The following DUOX1 variants were observed in gnomAD, a reference collection of about 807,000 sequenced individuals.
The protein encoded by DUOX1 is dual oxidase 1.
Under a neutral mutation model 181.8 loss-of-function variants are expected in DUOX1, and 134 were observed. The observed-to-expected ratio is 0.74, with a 90% CI of 0.64 to 0.85. The LOEUF (loss-of-function observed/expected upper bound fraction) is 0.85, where lower values mean the gene tolerates loss of function less well. Among genes scored for constraint, DUOX1 ranks in the 40% least tolerant of loss-of-function variants. The pLI is 0.00. For synonymous variants in DUOX1, 798 were observed against 832.5 expected (o/e 0.96, Z 0.71); for missense variants, 1,814 against 2,064.4 (o/e 0.88, Z 2.35).
In DUOX1 at chr15:45,147,659, G is replaced by T. The variant is rs776714776; in HGVS notation, c.2548+1G>T. On this transcript the variant is annotated splice_donor_variant, in intron 19 of 33. Coordinates refer to ENST00000389037, the MANE Select transcript of DUOX1 (RefSeq NM_175940.3). LOFTEE classifies it high-confidence loss of function. ...GACATCCTGGTGGTCTTCATGAAAG[G>T]TGAGGGAGGAGGGAATGATAGGAGA... 3 of 1,614,184 alleles carry T rather than the reference G, an allele frequency of 1.9e-6. No individual in the cohort carries two copies. Among genetic ancestry groups the T allele is most frequent in the Admixed American group, 3.3e-5 (2 of 60,028 alleles).
chr15:45,144,482 T>A (rs1896597081), intron 17 of DUOX1, among the ~76,000 whole-genome samples: 1 of 152,204 alleles, frequency 6.6e-6, no homozygotes, highest in South Asian at 2.1e-4. Context: ...GTCTGCCTCC[T>A]CCTTTTCTAA....
rs1182069627 is a variant in DUOX1, at chr15:45,152,144, G to A, written c.3193+92G>A. 5.9e-6 allele frequency: 9 copies of A among 1,513,190 alleles called. No homozygotes were observed. The African/African-American group carries it at 1.1e-4, about 19-fold the overall frequency. The allele number at this position is 1,513,190 out of a possible 1,614,324, so 93.7% of individuals were successfully genotyped here. ...GGCCTGCGATAAGTGCCAGCCCTGGGTAGGGTAAGTGGAGCCTGTCTGAGT... is the reference window on the plus strand; with the variant it reads ...GGCCTGCGATAAGTGCCAGCCCTGGATAGGGTAAGTGGAGCCTGTCTGAGT... On this transcript the variant is annotated intron_variant, in intron 24 of 33. Transcript: ENST00000389037.
chr15:45,162,259 G>A lies in DUOX1; in HGVS notation c.4130G>A (p.Trp1377Ter), dbSNP rs1177998849. ...CCATTTGGAGAGGGCCACCAGGAGT[G>A]GCATAAGTTTGAGGTGTCAGTGTTA... Reference protein sequence around the residue: ...DGPFGEGHQEWHKFEVSVLVG... With the variant: ...DGPFGEGHQE The change falls in exon 31 of 34, where the codon TGG becomes TAG. Residue 1377 changes from tryptophan to a stop codon, truncating the protein, a stop_gained. Coordinates refer to ENST00000389037, the MANE Select transcript of DUOX1 (RefSeq NM_175940.3). LOFTEE classifies it high-confidence loss of function. 6.2e-7 allele frequency: 1 copy of A among 1,612,754 alleles called. No individual in the cohort carries two copies. Among genetic ancestry groups the A allele is most frequent in the Non-Finnish European group, 8.5e-7 (1 of 1,179,244 alleles).
In DUOX1 at chr15:45,143,230, G is replaced by A; in HGVS notation, c.1863G>A (p.Met621Ile). The A allele has an allele frequency of 6.2e-7, 1 of 1,614,152 alleles. No individual in the cohort carries two copies. The highest frequency in any genetic ancestry group is 2.2e-5 in the East Asian group (1 of 44,874). ...CCTGGATTGTTGCCCGGCTCCGGATGAGAAATTTCAAGAGGCTCCAGGGCC... is the reference window on the plus strand; with the variant it reads ...CCTGGATTGTTGCCCGGCTCCGGATAAGAAATTTCAAGAGGCTCCAGGGCC... Reference protein sequence around the residue: ...LSAWIVARLRMRNFKRLQGQD... With the variant: ...LSAWIVARLRIRNFKRLQGQD... Residue 621 changes from methionine (M) to isoleucine (I), a missense_variant, in exon 16 of 34, where the codon ATG becomes ATA. Physicochemically the swap from Met to Ile is conservative, Grantham distance 10 (BLOSUM62 1). This residue lies in a region of DUOX1 where 1,064 missense variants were observed against 1,152.9 expected (regional missense o/e 0.92). Transcript: ENST00000389037.
chr15:45,156,299 C>CTT (rs1430809199), intron 28 of DUOX1, among the ~76,000 whole-genome samples: 2 of 152,224 alleles, frequency 1.3e-5, no homozygotes, highest in Non-Finnish European at 2.9e-5. Flanking sequence ...TTTGAAGAAA[C>CTT]TTATCTTAAA....
intron 21 of DUOX1, 43 bp from the exon 22 acceptor site, chr15:45,150,589 C>T (rs1210614313): frequency 1.8e-5 from 29 of 1,594,968 alleles, no homozygotes; most frequent in Non-Finnish European, 2.4e-5. Flanking sequence ...TCTTCCTGGG[C>T]TCTGGACCCT....
chr15:45,155,644 C>T, intron 27 of DUOX1, 158 bp from the exon 28 acceptor site: 3 of 900,802 alleles, frequency 3.3e-6, no homozygotes, highest in Non-Finnish European at 5.1e-6. Flanking sequence ...TGAAAGGTAC[C>T]TGTGATCAGT....
At position 45,147,432 on chromosome 15, in the gene DUOX1, G is replaced by T; in HGVS notation, c.2323-1G>T. ...CTCCCTCTGCTTCTGCCCAAGTGCA[G>T]GTGCTGGACATCAACCAGGCCGACG... On this transcript the variant is annotated splice_acceptor_variant, in intron 18 of 33. Coordinates refer to ENST00000389037, the MANE Select transcript of DUOX1 (RefSeq NM_175940.3). LOFTEE classifies it high-confidence loss of function. 6.2e-7 allele frequency: 1 copy of T among 1,613,132 alleles called. No homozygotes were observed.
intron 31 of DUOX1, 92 bp downstream of exon 31, chr15:45,162,469 G>T: frequency 6.6e-7 from 1 of 1,522,382 alleles, no homozygotes; most frequent in Non-Finnish European, 8.9e-7. Context: ...TTTGTTCTTG[G>T]CTTCCCTGAA....
At chr15:45,142,347 G>T (rs1896520869) in intron 15 of DUOX1, among the ~76,000 whole-genome samples, 1 of 152,180 alleles carries the variant, frequency 6.6e-6, no homozygotes, top group Non-Finnish European at 1.5e-5. Flanking sequence ...GCCCAGCATT[G>T]GTCAGGAGCC....
chr15:45,154,331 C>T (rs898475264), intron 27 of DUOX1, among the ~76,000 whole-genome samples: 20 of 152,156 alleles, frequency 1.3e-4, no homozygotes, highest in African/African-American at 4.8e-4. Context: ...CACACACATA[C>T]CCTAACAGTA....
At chr15:45,139,272 C>T in intron 11 of DUOX1, 104 bp downstream of exon 11, 1 of 1,604,610 alleles carries the variant, frequency 6.2e-7, no homozygotes, top group South Asian at 1.1e-5. Context: ...GGGCTGGGAG[C>T]CTGCACTGCA....
chr15:45,139,712 G>A (rs1017016321), intron 12 of DUOX1, 113 bp downstream of exon 12: 11 of 1,178,176 alleles, frequency 9.3e-6, no homozygotes, highest in Non-Finnish European at 1.2e-5. Flanking sequence ...CCTAATGGGA[G>A]GGGCAGGGCT....
intron 2 of DUOX1, 49 bp downstream of exon 2, chr15:45,132,073 C>A: frequency 6.7e-7 from 1 of 1,502,194 alleles, no homozygotes; most frequent in South Asian, 1.3e-5. Context: ...AGGAACCCAG[C>A]ATCCTCTGGG....
chr15:45,140,038 A>T, intron 12 of DUOX1: 1 of 1,364,000 alleles, frequency 7.3e-7, no homozygotes, highest in Non-Finnish European at 9.9e-7. Context: ...GCGGAGGCCC[A>T]GCATGCCTTA....
At chr15:45,143,344 G>A in intron 16 of DUOX1, 41 bp downstream of exon 16, 1 of 1,530,888 alleles carries the variant, frequency 6.5e-7, no homozygotes, top group Non-Finnish European at 9.0e-7. Flanking sequence ...GGGAGGACAT[G>A]GCTCAGCGCT....
At chr15:45,161,629 C>A in intron 29 of DUOX1, 109 bp from the exon 30 acceptor site, 1 of 1,006,500 alleles carries the variant, frequency 9.9e-7, no homozygotes, top group Non-Finnish European at 1.5e-6. Context: ...GGGAGGCCTC[C>A]TTTGTCATAT....
intron 18 of DUOX1, 96 bp downstream of exon 18, chr15:45,145,176 T>A: frequency 8.4e-7 from 1 of 1,193,134 alleles, no homozygotes; most frequent in Non-Finnish European, 1.1e-6. Flanking sequence ...AAGCCCAGAG[T>A]TCTCAGCTAA....
intron 33 of DUOX1, among the ~76,000 whole-genome samples, chr15:45,164,539 G>C (rs1897181571): frequency 6.6e-6 from 1 of 151,280 alleles, no homozygotes; most frequent in African/African-American, 2.4e-5. Context: ...TGCAATACCA[G>C]TTTACTGTAA....
Sources: allele counts gnomAD v4.1 joint callset (sites outside exome capture counted in the v4.1 genomes callset), GRCh38; gene constraint gnomAD v4.1.1; regional missense constraint gnomAD v4.1.1; transcripts MANE v1.5; gene names NCBI Gene and HGNC (gene_info 2026-07-23, HGNC 2026-07-21).